FOXP1: variants seen among roughly 807,000 people sequenced by gnomAD.
FOXP1 encodes forkhead box P1, also known as forkhead box protein P1.
In FOXP1, 15 loss-of-function variants were observed where a neutral mutation model predicts 98.2. The observed-to-expected ratio is 0.15, with a 90% CI of 0.10 to 0.24. The LOEUF is 0.24. Among genes scored for constraint, FOXP1 ranks in the 10% least tolerant of loss-of-function variants. FOXP1 has a pLI of 1.00. For synonymous variants in FOXP1, 371 were observed against 314.5 expected, an observed-to-expected ratio of 1.18 and a Z score of -1.90; for missense variants, 633 against 848.5, an observed-to-expected ratio of 0.75 and a Z score of 3.15.
At chr3:71,162,065 A>G (rs1445063170) in intron 6 of FOXP1, among the ~76,000 whole-genome samples, 1 of 152,210 alleles carries the variant, frequency 6.6e-6, no homozygotes, top group African/African-American at 2.4e-5. Flanking sequence ...GTGCAGAGTC[A>G]AAAAGAATAA....
intron 4 of FOXP1, among the ~76,000 whole-genome samples, chr3:71,321,045 A>G (rs997410656): frequency 6.6e-6 from 1 of 151,766 alleles, no homozygotes; most frequent in African/African-American, 2.4e-5. Context: ...TCGACTTCTT[A>G]TAAATAAGAA....
intron 12 of FOXP1, among the ~76,000 whole-genome samples, chr3:71,010,082 C>T (rs996175841): frequency 2.0e-5 from 3 of 151,850 alleles, no homozygotes; most frequent in African/African-American, 7.3e-5. Context: ...TTCTAACAAC[C>T]GTAAAAAGTG....
chr3:71,508,717 A>G (rs187400790), intron 2 of FOXP1, among the ~76,000 whole-genome samples: 47 of 152,296 alleles, frequency 3.1e-4, no homozygotes, highest in Admixed American at 5.2e-4. Context: ...AATTATCGTA[A>G]TAGATCCTAC....
chr3:71,341,902 T>G (rs1310433027), intron 4 of FOXP1, among the ~76,000 whole-genome samples: 5 of 152,222 alleles, frequency 3.3e-5, no homozygotes, highest in African/African-American at 1.2e-4. Flanking sequence ...TATTTATCCA[T>G]GGAAGCTTGT....
chr3:71,302,709 A>G lies in FOXP1; in HGVS notation c.-72-2829T>C, dbSNP rs139007307. 814 of 152,018 alleles carry G rather than the reference A, an allele frequency of 5.4e-3. 9 individuals are homozygous for G. Among genetic ancestry groups the G allele is most frequent in the African/African-American group, 0.019 (785 of 41,456 alleles). 9.4% of individuals were successfully genotyped at this position (152,018 alleles called of 1,614,324 possible). A position where few individuals can be genotyped will look rare whatever the true frequency, so the allele number is the denominator to read the frequency against. ...AAACAGAAATTACTTATTTTCCTTT[A>G]TGTCATTCTCTGTAACAGTTAAGAT... On this transcript the variant is annotated intron_variant, in intron 4 of 20. Coordinates refer to ENST00000649528, the MANE Select transcript of FOXP1 (RefSeq NM_001349338.3).
rs922780318 is a variant in FOXP1, at chr3:71,238,067, T to C, written c.-11-39675A>G. On this transcript the variant is annotated intron_variant, in intron 5 of 20. Transcript: ENST00000649528. ...TAACTACGAAAGGCTTTACATCCCA[T>C]AGGCACTCAAAATATATGAAATTAA... Among the ~76,000 whole-genome samples, 6 of 152,302 alleles carry C rather than the reference T, an allele frequency of 3.9e-5. No homozygotes were observed. In the East Asian group the frequency reaches 9.7e-4, roughly 25 times the overall value.
At chr3:71,460,892 T>G (rs901479215) in intron 3 of FOXP1, among the ~76,000 whole-genome samples, 1 of 152,178 alleles carries the variant, frequency 6.6e-6, no homozygotes, top group Non-Finnish European at 1.5e-5. Flanking sequence ...TGTGGAGAAT[T>G]AAGCCAAATT....
At position 71,352,581 on chromosome 3, in the gene FOXP1, T is replaced by C. The variant is rs532293157; in HGVS notation, c.-73+6569A>G. On this transcript the variant is annotated intron_variant, in intron 4 of 20. Transcript: ENST00000649528. ...GAGGGCTCTGGGTGAGTCATTTAAC[T>C]CACTATTCTTCAGCTTCCTCACCTG... 2.0e-5 allele frequency among the ~76,000 whole-genome samples: 3 copies of C among 151,356 alleles called. No individual in the cohort carries two copies. In the East Asian group the frequency reaches 5.9e-4, roughly 30 times the overall value.
chr3:71,076,552 T>C (rs186210388), intron 7 of FOXP1, among the ~76,000 whole-genome samples: 1 of 152,312 alleles, frequency 6.6e-6, no homozygotes, highest in Non-Finnish European at 1.5e-5. Context: ...AACATTCATA[T>C]GGCAGACAAC....
rs1237131814 is a variant in FOXP1 at position 70,958,196 on chromosome 3, CAAAAAAAAAAAAAGAAA to C, written c.*1034_*1050del. On this transcript the variant is annotated 3_prime_UTR_variant, in exon 21 of 21. Transcript: ENST00000649528. Reference sequence around the variant, plus strand: ...TGGTGGCATTTATTAATGGTTGCTGCAAAAAAAAAAAAAGAAAAGAAAAGAAAAAAAGAAAATCCGAA... The same window carrying C: ...TGGTGGCATTTATTAATGGTTGCTGCAGAAAAGAAAAAAAGAAAATCCGAA... 1 of 274,222 alleles carries C rather than the reference CAAAAAAAAAAAAAGAAA, an allele frequency of 3.6e-6. No individual in the cohort carries two copies. The highest frequency in any genetic ancestry group is 7.1e-6 in the Non-Finnish European group (1 of 141,582). The allele number at this position is 274,222 out of a possible 1,614,324, so 17.0% of individuals were successfully genotyped here.
chr3:71,017,339 G>A (rs1363535569), intron 11 of FOXP1, among the ~76,000 whole-genome samples: 1 of 151,750 alleles, frequency 6.6e-6, no homozygotes, highest in Non-Finnish European at 1.5e-5. Context: ...TATTCTAAGA[G>A]GGAAGAAAAT....
chr3:71,092,296 G>C (rs1274295627), intron 7 of FOXP1, among the ~76,000 whole-genome samples: 1 of 152,030 alleles, frequency 6.6e-6, no homozygotes, highest in Admixed American at 6.6e-5. Flanking sequence ...GCTTGAACCT[G>C]GTGAGTTAGG....
At chr3:71,490,747 A>G (rs1010768370) in intron 3 of FOXP1, among the ~76,000 whole-genome samples, 5 of 152,220 alleles carry the variant, frequency 3.3e-5, no homozygotes, top group Non-Finnish European at 7.3e-5. Flanking sequence ...GCCAAATCCA[A>G]TTGAAATTAA....
At chr3:71,006,801 A>C (rs138146701) in intron 12 of FOXP1, among the ~76,000 whole-genome samples, 1 of 152,208 alleles carries the variant, frequency 6.6e-6, no homozygotes, top group African/African-American at 2.4e-5. Context: ...AATTAATTGC[A>C]TAAGTAGACA....
chr3:71,126,890 CAA>C (rs66876896), intron 6 of FOXP1, among the ~76,000 whole-genome samples: 36 of 132,234 alleles, frequency 2.7e-4, no homozygotes, highest in East Asian at 6.7e-4. Context: ...AAAACAAAAA[CAA>C]AAAAAAAAAG....
chr3:71,132,467 G>C (rs1393827168), intron 6 of FOXP1, among the ~76,000 whole-genome samples: 1 of 152,126 alleles, frequency 6.6e-6, no homozygotes, highest in Non-Finnish European at 1.5e-5. Flanking sequence ...TTTCAATAAA[G>C]TCAGTGCATA....
intron 5 of FOXP1, among the ~76,000 whole-genome samples, chr3:71,239,599 A>G (rs1281042758): frequency 6.6e-6 from 1 of 152,232 alleles, no homozygotes; most frequent in East Asian, 1.9e-4. Context: ...CACATTTCAA[A>G]AAAGTATAAT....
chr3:71,371,344 C>T (rs2079299347), intron 3 of FOXP1, among the ~76,000 whole-genome samples: 1 of 152,142 alleles, frequency 6.6e-6, no homozygotes, highest in Non-Finnish European at 1.5e-5. Flanking sequence ...CCATGCTCAA[C>T]CTCAGGGAAC....
chr3:71,010,791 C>T (rs2043481763), intron 12 of FOXP1, among the ~76,000 whole-genome samples: 1 of 152,024 alleles, frequency 6.6e-6, no homozygotes, highest in African/African-American at 2.4e-5. Flanking sequence ...GCAATCTGAG[C>T]AAAGTACTTG....
Sources: gnomAD v4.1 joint callset for allele counts (sites outside exome capture counted in the v4.1 genomes callset) on GRCh38, gnomAD v4.1.1 for gene constraint, MANE v1.5 for transcripts, NCBI Gene and HGNC (gene_info 2026-07-23, HGNC 2026-07-21) for gene names.